FYN: variants seen among roughly 807,000 people sequenced by gnomAD.
FYN encodes FYN proto-oncogene, Src family tyrosine kinase.
In FYN, 10 loss-of-function variants were observed where a neutral mutation model predicts 70.2. The ratio of observed to expected loss-of-function variants is 0.14; its 90% CI spans 0.09 to 0.24. The LOEUF (loss-of-function observed/expected upper bound fraction) is 0.24. Among genes scored for constraint, FYN ranks in the 10% least tolerant of loss-of-function variants. FYN has a pLI of 1.00. For synonymous variants in FYN, 236 were observed against 248.6 expected, an observed-to-expected ratio of 0.95 and a Z score of 0.48; for missense variants, 319 against 673.1, an observed-to-expected ratio of 0.47 and a Z score of 5.82.
chr6:111,868,804 C>G (rs1004015579), intron 1 of FYN, among the ~76,000 whole-genome samples: 13 of 151,248 alleles, frequency 8.6e-5, no homozygotes, highest in African/African-American at 1.2e-4. Flanking sequence ...AATTTCCCAT[C>G]TGTAAAACGG....
chr6:111,710,298 C>T (rs895875289), intron 5 of FYN, among the ~76,000 whole-genome samples: 3 of 152,152 alleles, frequency 2.0e-5, no homozygotes, highest in South Asian at 2.1e-4. Flanking sequence ...TCAATAGGGG[C>T]GGGAAGCCAA....
chr6:111,696,350 G>A lies in FYN; in HGVS notation c.969C>T (p.His323=), dbSNP rs150537079. The A allele has an allele frequency of 3.8e-4, 617 of 1,613,946 alleles. 4 individuals are homozygous for A. The African/African-American group carries it at 6.7e-3, about 17-fold the overall frequency. Reference sequence around the variant, plus strand: ...CTGCATAGAGCTGGACCAGCTTGTCGTGCTTCAGCTTCTTCATGATCTGCG... The same window carrying A: ...CTGCATAGAGCTGGACCAGCTTGTCATGCTTCAGCTTCTTCATGATCTGCG... ...EEAQIMKKLK[H]DKLVQLYAVV... The change falls in exon 10 of 14, where the codon CAC becomes CAT. Residue 323 remains histidine, a synonymous_variant. Transcript: ENST00000354650.
chr6:111,731,875 G>A (rs764342267), intron 3 of FYN, among the ~76,000 whole-genome samples: 1 of 152,152 alleles, frequency 6.6e-6, no homozygotes, highest in African/African-American at 2.4e-5. Flanking sequence ...TGAATATGTC[G>A]TGCGTGTCTC....
chr6:111,686,725 T>C (rs1799022643), intron 12 of FYN, among the ~76,000 whole-genome samples: 1 of 152,174 alleles, frequency 6.6e-6, no homozygotes, highest in Non-Finnish European at 1.5e-5. Flanking sequence ...GGCAATGCTG[T>C]TGTTGACAGA....
chr6:111,857,241 A>C (rs1333808224), intron 1 of FYN, among the ~76,000 whole-genome samples: 1 of 152,204 alleles, frequency 6.6e-6, no homozygotes, highest in African/African-American at 2.4e-5. Context: ...CACACAGTAA[A>C]AATTCTCCTC....
intron 2 of FYN, among the ~76,000 whole-genome samples, chr6:111,846,218 T>A (rs971569184): frequency 2.0e-5 from 3 of 152,074 alleles, no homozygotes; most frequent in Non-Finnish European, 4.4e-5. Flanking sequence ...GAAAACGACC[T>A]CCTTGACCAG....
intron 3 of FYN, among the ~76,000 whole-genome samples, chr6:111,735,583 T>C (rs959235580): frequency 1.3e-5 from 2 of 152,144 alleles, no homozygotes; most frequent in Admixed American, 6.5e-5. Flanking sequence ...CTGATACTTA[T>C]CCAGTATTAA....
intron 2 of FYN, among the ~76,000 whole-genome samples, chr6:111,821,825 G>C (rs570976468): frequency 2.6e-5 from 4 of 152,260 alleles, no homozygotes; most frequent in Non-Finnish European, 5.9e-5. Context: ...CGAAGGATAT[G>C]AACAGACACT....
At chr6:111,795,879 C>A (rs113569058) in intron 2 of FYN, among the ~76,000 whole-genome samples, 29 of 152,298 alleles carry the variant, frequency 1.9e-4, no homozygotes, top group African/African-American at 5.5e-4. Flanking sequence ...GAATCAATTT[C>A]TATTTCTATA....
At chr6:111,812,513 A>G (rs1388485717) in intron 2 of FYN, among the ~76,000 whole-genome samples, 1 of 152,054 alleles carries the variant, frequency 6.6e-6, no homozygotes, top group Non-Finnish European at 1.5e-5. Flanking sequence ...AATGGCTAGA[A>G]ATACTTTAGT....
At chr6:111,798,670 A>G (rs910190120) in intron 2 of FYN, among the ~76,000 whole-genome samples, 3 of 151,608 alleles carry the variant, frequency 2.0e-5, no homozygotes, top group African/African-American at 7.3e-5. Context: ...CCCTTCCTGG[A>G]TGTGTGGCTC....
chr6:111,821,135 T>C (rs2114363529), intron 2 of FYN, among the ~76,000 whole-genome samples: 1 of 152,232 alleles, frequency 6.6e-6, no homozygotes, highest in Admixed American at 6.5e-5. Flanking sequence ...AAAAACTACT[T>C]TAAAGTTCAT....
At chr6:111,843,626 C>T (rs755569035) in intron 2 of FYN, among the ~76,000 whole-genome samples, 2 of 152,096 alleles carry the variant, frequency 1.3e-5, no homozygotes, top group African/African-American at 2.4e-5. Context: ...TTTTGGGGAG[C>T]AAGTCAAGGA....
At chr6:111,844,132 A>G (rs1172915821) in intron 2 of FYN, among the ~76,000 whole-genome samples, 1 of 152,234 alleles carries the variant, frequency 6.6e-6, no homozygotes, top group Non-Finnish European at 1.5e-5. Flanking sequence ...GTCACAGTGA[A>G]GTGTAACATA....
intron 3 of FYN, among the ~76,000 whole-genome samples, chr6:111,776,770 A>G (rs772030766): frequency 1.6e-4 from 25 of 152,200 alleles, no homozygotes; most frequent in Non-Finnish European, 2.9e-4. Flanking sequence ...AGTCTTTTGC[A>G]GTGGGTTGTC....
chr6:111,749,057 T>C (rs530624838), intron 3 of FYN, among the ~76,000 whole-genome samples: 79 of 152,338 alleles, frequency 5.2e-4, no homozygotes, highest in Admixed American at 1.2e-3. Flanking sequence ...CCTGACCTGC[T>C]GGTTACCTAA....
chr6:111,777,463 G>A (rs1319209284), intron 3 of FYN, among the ~76,000 whole-genome samples: 1 of 152,014 alleles, frequency 6.6e-6, no homozygotes, highest in Non-Finnish European at 1.5e-5. Flanking sequence ...TTTCGGGCCC[G>A]ATTATTCTGC....
intron 2 of FYN, among the ~76,000 whole-genome samples, chr6:111,815,303 G>A (rs1305532829): frequency 2.6e-5 from 4 of 152,152 alleles, no homozygotes; most frequent in African/African-American, 9.7e-5. Flanking sequence ...CCAAATAACA[G>A]AGAAAATGGT....
At chr6:111,681,507 G>A (rs1453551969) in intron 12 of FYN, among the ~76,000 whole-genome samples, 1 of 152,094 alleles carries the variant, frequency 6.6e-6, no homozygotes, top group Non-Finnish European at 1.5e-5. Context: ...AGTTCAGTTT[G>A]CTTTACTATA....
Sources: allele counts gnomAD v4.1 joint callset (sites outside exome capture counted in the v4.1 genomes callset), GRCh38; gene constraint gnomAD v4.1.1; transcripts MANE v1.5; gene names NCBI Gene and HGNC (gene_info 2026-07-23, HGNC 2026-07-21).